Variants in ZFPM2 observed in about 807,000 individuals in gnomAD.
The protein encoded by ZFPM2 is zinc finger protein, FOG family member 2.
ZFPM2 carries 20 observed loss-of-function variants against 98.6 expected under a neutral mutation model. The ratio of observed to expected loss-of-function variants is 0.20; its 90% CI spans 0.14 to 0.29. ZFPM2 has a LOEUF of 0.29. ZFPM2 is among the 10% of genes least tolerant of loss of function. The pLI, the probability that ZFPM2 is intolerant of heterozygous loss-of-function variation, is 1.00. For synonymous variants in ZFPM2, 518 were observed against 502.7 expected (o/e 1.03, Z -0.41); for missense variants, 1,310 against 1,388.6 (o/e 0.94, Z 0.90).
intron 7 of ZFPM2, among the ~76,000 whole-genome samples, 166 bp from the exon 8 acceptor site, chr8:105,800,880 TC>T (rs1813979218): frequency 1.3e-5 from 2 of 152,160 alleles, no homozygotes; most frequent in African/African-American, 4.8e-5. Flanking sequence ...ATTAATATTA[TC>T]ATACACAGTA....
chr8:105,526,456 C>T (rs1022276323), intron 3 of ZFPM2, among the ~76,000 whole-genome samples: 1 of 152,128 alleles, frequency 6.6e-6, no homozygotes, highest in Non-Finnish European at 1.5e-5. Flanking sequence ...AGAAGATACT[C>T]AACTGCTGTA....
chr8:105,773,545 T>C (rs2131095345), intron 5 of ZFPM2, among the ~76,000 whole-genome samples: 1 of 152,106 alleles, frequency 6.6e-6, no homozygotes, highest in South Asian at 2.1e-4. Context: ...TGAATTTTCA[T>C]ATTTTAGAAT....
chr8:105,647,374 CT>C (rs527286721), intron 5 of ZFPM2, among the ~76,000 whole-genome samples: 61 of 151,236 alleles, frequency 4.0e-4, no homozygotes, highest in Non-Finnish European at 6.8e-4. Flanking sequence ...CCCCTTTGCT[CT>C]TTTTTTTTCT....
At chr8:105,786,705 G>T (rs1366671680) in intron 5 of ZFPM2, among the ~76,000 whole-genome samples, 3 of 152,086 alleles carry the variant, frequency 2.0e-5, no homozygotes, top group African/African-American at 7.2e-5. Flanking sequence ...TAGTATTTTT[G>T]AATTTAATTT....
intron 1 of ZFPM2, among the ~76,000 whole-genome samples, chr8:105,332,136 G>A (rs1812244947): frequency 1.3e-5 from 2 of 151,640 alleles, no homozygotes. Flanking sequence ...TCTTTTCCTA[G>A]ATTTCCGTAT....
intron 5 of ZFPM2, among the ~76,000 whole-genome samples, chr8:105,732,190 T>G (rs1443080984): frequency 1.3e-5 from 2 of 151,828 alleles, no homozygotes; most frequent in African/African-American, 4.8e-5. Context: ...CATATTCCTA[T>G]GCATACGTTA....
At chr8:105,454,175 C>A (rs1812542580) in intron 3 of ZFPM2, among the ~76,000 whole-genome samples, 1 of 151,294 alleles carries the variant, frequency 6.6e-6, no homozygotes, top group Admixed American at 6.6e-5. Flanking sequence ...CCCCTACACT[C>A]ACCCCCCACC....
At chr8:105,384,879 A>G (rs947876485) in intron 1 of ZFPM2, among the ~76,000 whole-genome samples, 12 of 152,180 alleles carry the variant, frequency 7.9e-5, no homozygotes, top group Admixed American at 6.5e-5. Context: ...AATAATCCAT[A>G]TAACAGCAGA....
At chr8:105,553,853 A>G (rs1814921191) in intron 3 of ZFPM2, among the ~76,000 whole-genome samples, 1 of 152,074 alleles carries the variant, frequency 6.6e-6, no homozygotes, top group South Asian at 2.1e-4. Context: ...TATCCACACA[A>G]TAAATGTAGT....
intron 4 of ZFPM2, among the ~76,000 whole-genome samples, chr8:105,597,629 A>G (rs1204629268): frequency 6.6e-6 from 1 of 152,140 alleles, no homozygotes; most frequent in African/African-American, 2.4e-5. Context: ...CATCATATTT[A>G]ATGCAGATAA....
intron 4 of ZFPM2, among the ~76,000 whole-genome samples, chr8:105,617,020 G>GGAA (rs1816431048): frequency 2.1e-4 from 6 of 28,120 alleles, no homozygotes; most frequent in African/African-American, 4.5e-4. Context: ...ACTCTGTCTC[G>GGAA]AAAAAAAAAA....
Position 105,443,200 on chromosome 8 carries a change from T to C in ZFPM2, c.200-1080T>C, listed in dbSNP as rs1312116787. ...GGCAGGCACCTGTAATCCCAGCTAC[T>C]TGGGAGGCTGAGGCAGGAGAATCGC... On this transcript the variant is annotated intron_variant, in intron 2 of 7. Transcript: ENST00000407775. Among the ~76,000 whole-genome samples, 7 of 151,740 alleles carry C rather than the reference T, an allele frequency of 4.6e-5. No homozygotes were observed. The East Asian group carries it at 1.4e-3, about 29-fold the overall frequency.
chr8:105,631,697 C>T (rs1816758044), intron 4 of ZFPM2, among the ~76,000 whole-genome samples: 1 of 152,066 alleles, frequency 6.6e-6, no homozygotes, highest in Non-Finnish European at 1.5e-5. Flanking sequence ...CTGTATCCTT[C>T]ACCAAAAAAG....
At chr8:105,645,272 C>T (rs185614266) in intron 5 of ZFPM2, among the ~76,000 whole-genome samples, 22 of 152,266 alleles carry the variant, frequency 1.4e-4, no homozygotes, top group Middle Eastern at 3.4e-3. Context: ...TAACTTTGCT[C>T]CTTTCACATT....
At chr8:105,755,199 G>A (rs1217968727) in intron 5 of ZFPM2, among the ~76,000 whole-genome samples, 2 of 152,026 alleles carry the variant, frequency 1.3e-5, no homozygotes, top group African/African-American at 4.8e-5. Context: ...TGATTTTATT[G>A]ACATAGTAAA....
chr8:105,728,273 C>T (rs1811859393), intron 5 of ZFPM2, among the ~76,000 whole-genome samples: 1 of 151,522 alleles, frequency 6.6e-6, no homozygotes, highest in African/African-American at 2.4e-5. Flanking sequence ...GGTTCAAGAT[C>T]CTTGATATAA....
At chr8:105,586,481 G>T (rs367823696) in intron 4 of ZFPM2, among the ~76,000 whole-genome samples, 2 of 151,832 alleles carry the variant, frequency 1.3e-5, no homozygotes, top group Non-Finnish European at 2.9e-5. Context: ...GGAGTGCAGC[G>T]GCACAATCTT....
At chr8:105,387,560 G>GGGCC (rs1357416245) in intron 1 of ZFPM2, 1 of 153,122 alleles carries the variant, frequency 6.5e-6, no homozygotes, top group Non-Finnish European at 1.5e-5. Flanking sequence ...AGGGCGGGCG[G>GGGCC]GGCCGGCTGG....
chr8:105,795,489 A>AGACTT (rs1289433234), intron 6 of ZFPM2, among the ~76,000 whole-genome samples: 1 of 152,012 alleles, frequency 6.6e-6, no homozygotes, highest in South Asian at 2.1e-4. Context: ...TAAGGGCCGT[A>AGACTT]GACTTAAAAA....
Sources: allele counts gnomAD v4.1 joint callset (sites outside exome capture counted in the v4.1 genomes callset), GRCh38; gene constraint gnomAD v4.1.1; transcripts MANE v1.5; gene names NCBI Gene and HGNC (gene_info 2026-07-23, HGNC 2026-07-21).